SULF2: variants seen among roughly 807,000 people sequenced by gnomAD.
SULF2 encodes extracellular sulfatase Sulf-2.
Under a neutral mutation model 107.7 loss-of-function variants are expected in SULF2, and 52 were observed. The observed-to-expected ratio is 0.48, with a 90% CI of 0.39 to 0.61. The LOEUF is 0.61. Ranked by LOEUF, SULF2 falls within the 20% of genes least tolerant of loss-of-function variation. SULF2 has a pLI of 0.00. For missense variants in SULF2, 993 were observed against 1,177.3 expected, an observed-to-expected ratio of 0.84 and a Z score of 2.29; for synonymous variants, 460 against 464.3, an observed-to-expected ratio of 0.99 and a Z score of 0.12.
chr20:47,774,386 G>A (rs986445463), intron 1 of SULF2, among the ~76,000 whole-genome samples: 2 of 152,214 alleles, frequency 1.3e-5, no homozygotes, highest in African/African-American at 4.8e-5. Context: ...CTGGGAGGAG[G>A]GAGTGCAGGC....
chr20:47,748,038 C>T (rs558284845), intron 2 of SULF2, among the ~76,000 whole-genome samples: 36 of 152,272 alleles, frequency 2.4e-4, no homozygotes, highest in African/African-American at 8.2e-4. Flanking sequence ...CACCTACAGC[C>T]GGGGTGTGCC....
chr20:47,776,336 T>G (rs573785463), intron 1 of SULF2, among the ~76,000 whole-genome samples: 1 of 152,342 alleles, frequency 6.6e-6, no homozygotes, highest in East Asian at 1.9e-4. Context: ...TGATGTCCTA[T>G]TCTACCAGCA....
chr20:47,730,880 G>C (rs1305671877), intron 3 of SULF2, among the ~76,000 whole-genome samples: 1 of 152,188 alleles, frequency 6.6e-6, no homozygotes, highest in East Asian at 1.9e-4. Context: ...AAGTGCTGGG[G>C]AAAAAGGGAC....
intron 4 of SULF2, among the ~76,000 whole-genome samples, chr20:47,691,888 TA>T (rs1052795823): frequency 1.3e-5 from 2 of 152,112 alleles, no homozygotes; most frequent in Non-Finnish European, 2.9e-5. Context: ...CTATACTCTT[TA>T]ATTTTTTTTT....
Position 47,702,683 on chromosome 20 carries a change from A to G in SULF2, c.416-13T>C. ...TTCCCGAAGAAAGCTGCGGAGGGAGATGGATCAGGAGGCCACGTGAGAAAG... is the reference window on the plus strand; with the variant it reads ...TTCCCGAAGAAAGCTGCGGAGGGAGGTGGATCAGGAGGCCACGTGAGAAAG... On this transcript the variant is annotated splice_polypyrimidine_tract_variant and intron_variant, in intron 3 of 20. Coordinates refer to ENST00000688720, the MANE Select transcript of SULF2 (RefSeq NM_001387048.1). 6.2e-7 allele frequency: 1 copy of G among 1,613,262 alleles called. No individual in the cohort carries two copies.
At chr20:47,700,120 G>T (rs1053685365) in intron 4 of SULF2, among the ~76,000 whole-genome samples, 13 of 152,152 alleles carry the variant, frequency 8.5e-5, no homozygotes, top group African/African-American at 3.1e-4. Context: ...AGGAAGATTT[G>T]TTCATTTCCA....
chr20:47,785,962 C>A, upstream of SULF2: 1 of 152,602 alleles, frequency 6.6e-6, no homozygotes, highest in South Asian at 2.0e-4. Flanking sequence ...CGGCGGCTCT[C>A]GACCTCCCGA....
intron 2 of SULF2, among the ~76,000 whole-genome samples, chr20:47,737,755 GTTT>G (rs11484375): frequency 4.4e-4 from 27 of 61,836 alleles, no homozygotes; most frequent in East Asian, 2.4e-3. Context: ...TCTTTTCTTT[GTTT>G]TTTTTTTTTT....
At chr20:47,765,759 A>G (rs1281343622) in intron 1 of SULF2, among the ~76,000 whole-genome samples, 1 of 152,188 alleles carries the variant, frequency 6.6e-6, no homozygotes, top group Admixed American at 6.5e-5. Flanking sequence ...TGACAGACAA[A>G]ACAAGCAAGC....
intron 2 of SULF2, among the ~76,000 whole-genome samples, chr20:47,756,137 A>G (rs1336560083): frequency 6.6e-6 from 1 of 152,154 alleles, no homozygotes; most frequent in African/African-American, 2.4e-5. Context: ...GGGCTACACA[A>G]TGTGAGACCA....
chr20:47,692,000 A>G (rs1462124379), intron 4 of SULF2, among the ~76,000 whole-genome samples: 1 of 152,178 alleles, frequency 6.6e-6, no homozygotes, highest in Non-Finnish European at 1.5e-5. Context: ...TCCCAGGCTC[A>G]AGTGATCCTC....
chr20:47,751,942 T>C (rs112156360), intron 2 of SULF2, among the ~76,000 whole-genome samples: 2 of 152,170 alleles, frequency 1.3e-5, no homozygotes, highest in Admixed American at 6.5e-5. Flanking sequence ...GAAGAACCCA[T>C]GCCAAACTTG....
rs1235641647 is a variant in SULF2, at chr20:47,666,328, A to C, written c.1737T>G (p.Gly579=). The change falls in exon 12 of 21, where the codon GGT becomes GGG. Residue 579 remains glycine (G), a synonymous_variant. Transcript: ENST00000688720. This position sits in a 1 kb window ranked among gnomAD's most constrained non-coding sequence, Gnocchi z 5.4. ...GAPEDQDDKD[G]GDFSGTGGLP... ...GGCCTCCAGTGCCACTGAAGTCCCC[A>C]CCATCCTTGTCATCTTGGTCCTCAG... The C allele has an allele frequency of 2.5e-6, 4 of 1,614,102 alleles. No homozygotes were observed. The African/African-American group carries it at 5.3e-5, about 22-fold the overall frequency.
chr20:47,663,400 T>C (rs2087152267), intron 16 of SULF2, 53 bp downstream of exon 16: 2 of 1,599,718 alleles, frequency 1.3e-6, no homozygotes, highest in African/African-American at 2.7e-5. Flanking sequence ...AGTGGAGAAG[T>C]TTCTTGAACC....
chr20:47,678,586 A>C lies in SULF2; in HGVS notation c.1193+90T>G. The C allele has an allele frequency of 6.5e-7, 1 of 1,527,388 alleles. No individual in the cohort carries two copies. Among genetic ancestry groups the C allele is most frequent in the Non-Finnish European group, 8.9e-7 (1 of 1,124,636 alleles). 94.6% of individuals were successfully genotyped at this position (1,527,388 alleles called of 1,614,324 possible). Reference sequence around the variant, plus strand: ...GAACCCCAGCTCCCGACCCTTGGAGACCCCACGTTCTAGACCCACAGGGTT... The same window carrying C: ...GAACCCCAGCTCCCGACCCTTGGAGCCCCCACGTTCTAGACCCACAGGGTT... On this transcript the variant is annotated intron_variant, in intron 8 of 20. Coordinates refer to ENST00000688720, the MANE Select transcript of SULF2 (RefSeq NM_001387048.1). The surrounding 1 kb of genome is among the most constrained non-coding windows in gnomAD (Gnocchi z 4.5).
intron 11 of SULF2, among the ~76,000 whole-genome samples, chr20:47,670,522 T>G (rs116235465): frequency 6.8e-4 from 102 of 150,474 alleles, no homozygotes; most frequent in African/African-American, 2.5e-3. Flanking sequence ...GGCTACCATG[T>G]GGATGAACCC....
intron 3 of SULF2, among the ~76,000 whole-genome samples, chr20:47,728,337 CA>C (rs896842088): frequency 6.6e-6 from 1 of 152,168 alleles, no homozygotes; most frequent in African/African-American, 2.4e-5. Context: ...ACAGCTGCAC[CA>C]GGGGCCCAGG....
Position 47,702,583 on chromosome 20 carries a change from C to A in SULF2, c.503G>T (p.Arg168Leu). 2 of 1,613,562 alleles carry A rather than the reference C, an allele frequency of 1.2e-6. No individual in the cohort carries two copies. The highest frequency in any genetic ancestry group is 1.7e-6 in the Non-Finnish European group (2 of 1,180,028). ...CCGACACAGCGTGTAGTTATAAAAG[C>A]GGGAGTTTTTAAGGAGTCCGACCCA... ...KEWVGLLKNSRFYNYTLCRNG... is the reference protein window; with the variant it reads ...KEWVGLLKNSLFYNYTLCRNG... Residue 168 changes from arginine (R) to leucine (L), a missense_variant, in exon 4 of 21, where the codon CGC becomes CTC. Physicochemically the swap from Arg to Leu is moderately radical, Grantham distance 102 (BLOSUM62 -2). Around this residue, in one of 3 missense-constraint regions of SULF2, gnomAD observed 388 missense variants for 449.2 expected, o/e 0.86. Transcript: ENST00000688720.
At position 47,678,814 on chromosome 20, in the gene SULF2, G is replaced by A. The variant is rs2087731961; in HGVS notation, c.1065-10C>T. 2 of 1,612,200 alleles carry A rather than the reference G, an allele frequency of 1.2e-6. No homozygotes were observed. The highest frequency in any genetic ancestry group is 8.5e-7 in the Non-Finnish European group (1 of 1,179,016). On this transcript the variant is annotated splice_polypyrimidine_tract_variant and intron_variant, in intron 7 of 20. Transcript: ENST00000688720. This position sits in a 1 kb window ranked among gnomAD's most constrained non-coding sequence, Gnocchi z 4.5. ...GACGATGTGGGGATTCCTGGGGGAG[G>A]CAGGAGATCGGGGACTCAGTCACTC... is the stretch of plus-strand genomic sequence containing the variant.
Sources: allele counts gnomAD v4.1 joint callset (sites outside exome capture counted in the v4.1 genomes callset), GRCh38; gene constraint gnomAD v4.1.1; regional missense constraint gnomAD v4.1.1; non-coding constraint Gnocchi (gnomAD v3.1); transcripts MANE v1.5; gene names NCBI Gene and HGNC (gene_info 2026-07-23, HGNC 2026-07-21).